Variants in XPO6 observed in about 807,000 individuals in gnomAD.
The protein encoded by XPO6 is exportin-6.
XPO6 carries 3 observed loss-of-function variants against 130.0 expected under a neutral mutation model. That is an observed-to-expected ratio of 0.02 (90% CI 0.01 to 0.06). The LOEUF (loss-of-function observed/expected upper bound fraction) is 0.06. Ranked by LOEUF, XPO6 falls within the 10% of genes least tolerant of loss-of-function variation. XPO6 has a pLI of 1.00. For synonymous variants in XPO6, 524 were observed against 548.9 expected, an observed-to-expected ratio of 0.95 and a Z score of 0.63; for missense variants, 970 against 1,393.0, an observed-to-expected ratio of 0.70 and a Z score of 4.83.
intron 13 of XPO6, among the ~76,000 whole-genome samples, chr16:28,125,167 G>C (rs1020664009): frequency 6.6e-6 from 1 of 152,166 alleles, no homozygotes; most frequent in Non-Finnish European, 1.5e-5. Context: ...GCCAGGCGTG[G>C]AGGCTACCCA....
intron 6 of XPO6, 43 bp from the exon 7 acceptor site, chr16:28,156,570 CT>C: frequency 1.4e-6 from 2 of 1,437,472 alleles, no homozygotes; most frequent in Non-Finnish European, 1.9e-6. Context: ...CATCAAATCT[CT>C]TACAAATGAC....
At chr16:28,104,855 G>C (rs1358571429) in intron 20 of XPO6, 148 bp from the exon 21 acceptor site, 12 of 898,152 alleles carry the variant, frequency 1.3e-5, no homozygotes, top group Non-Finnish European at 2.0e-5. Context: ...CTGCGCAAAA[G>C]ACATCCAGCC....
Position 28,106,320 on chromosome 16 carries a change from T to C in XPO6, c.2612+63A>G. 6.2e-7 allele frequency: 1 copy of C among 1,607,138 alleles called. No individual in the cohort carries two copies. The highest frequency in any genetic ancestry group is 8.5e-7 in the Non-Finnish European group (1 of 1,174,240). Reference sequence around the variant, plus strand: ...AGAACAGGAGCAAAAAGCCACACTTTGTCGCCAGACCCACCACTTCTCCCT... The same window carrying C: ...AGAACAGGAGCAAAAAGCCACACTTCGTCGCCAGACCCACCACTTCTCCCT... On this transcript the variant is annotated intron_variant, in intron 19 of 23. Coordinates refer to ENST00000304658, the MANE Select transcript of XPO6 (RefSeq NM_015171.4). The surrounding 1 kb of genome is among the most constrained non-coding windows in gnomAD (Gnocchi z 4.2).
chr16:28,156,605 A>AAAAT (rs771266409), intron 6 of XPO6, 78 bp from the exon 7 acceptor site: 70 of 877,440 alleles, frequency 8.0e-5, no homozygotes, highest in Middle Eastern at 3.2e-4. Flanking sequence ...CCTTCAAAAA[A>AAAAT]ATATATATAT....
intron 13 of XPO6, among the ~76,000 whole-genome samples, chr16:28,124,905 C>T (rs2087353664): frequency 6.6e-6 from 1 of 152,192 alleles, no homozygotes; most frequent in Non-Finnish European, 1.5e-5. Context: ...GTCGAAGCAT[C>T]AGGTGTCTTG....
At chr16:28,133,964 C>A in intron 10 of XPO6, 31 bp from the exon 11 acceptor site, 1 of 1,609,300 alleles carries the variant, frequency 6.2e-7, no homozygotes, top group South Asian at 1.1e-5. Flanking sequence ...AATCAGCTCT[C>A]CCAGAATCCT....
chr16:28,102,134 C>T (rs1367650130), intron 21 of XPO6, 189 bp from the exon 22 acceptor site: 1 of 560,756 alleles, frequency 1.8e-6, no homozygotes, highest in African/African-American at 1.9e-5. Context: ...GGCCTTGCTT[C>T]TTATTATGGT....
intron 14 of XPO6, among the ~76,000 whole-genome samples, chr16:28,120,453 A>G (rs1677167055): frequency 6.6e-6 from 1 of 152,210 alleles, no homozygotes; most frequent in Non-Finnish European, 1.5e-5. Context: ...TTTATTTTAT[A>G]TTTAGAATCA....
Position 28,111,887 on chromosome 16 carries a change from T to C in XPO6, c.2271A>G (p.Ala757=), listed in dbSNP as rs764928770. The part of the protein sequence containing the change: ...RSINHASLIS[A]LSRDYRNLKP... ...TCAGGTTGCGATAGTCCCGGGAGAG[T>C]GCAGAGATGAGGCTGGCGTGGTTGA... Residue 757 remains alanine, a synonymous_variant, in exon 17 of 24, where the codon GCA becomes GCG. Coordinates refer to ENST00000304658, the MANE Select transcript of XPO6 (RefSeq NM_015171.4). The C allele has an allele frequency of 1.2e-6, 2 of 1,613,826 alleles. No homozygotes were observed. Among genetic ancestry groups the C allele is most frequent in the South Asian group, 1.1e-5 (1 of 91,050 alleles).
chr16:28,121,127 A>T (rs977108211), intron 14 of XPO6, among the ~76,000 whole-genome samples: 16 of 152,204 alleles, frequency 1.1e-4, no homozygotes, highest in African/African-American at 3.6e-4. Context: ...GTAGGTAGAG[A>T]GTGTGGTCTC....
At chr16:28,211,315 AC>A (rs1306698535) in intron 1 of XPO6, 50 bp downstream of exon 1, 3 of 1,309,330 alleles carry the variant, frequency 2.3e-6, no homozygotes, top group Non-Finnish European at 2.0e-6. Flanking sequence ...GCCCATTCCC[AC>A]CCTTCCGGTA....
At chr16:28,199,716 A>G (rs1001390817) in intron 1 of XPO6, among the ~76,000 whole-genome samples, 5 of 151,760 alleles carry the variant, frequency 3.3e-5, no homozygotes, top group East Asian at 2.0e-4. Flanking sequence ...ACAGGCACCC[A>G]CCACCACACC....
At chr16:28,103,396 T>C (rs1007572555) in intron 21 of XPO6, among the ~76,000 whole-genome samples, 3 of 152,240 alleles carry the variant, frequency 2.0e-5, no homozygotes, top group African/African-American at 2.4e-5. Context: ...AGCTGCTGGA[T>C]ACTCAAAGTG....
intron 21 of XPO6, among the ~76,000 whole-genome samples, chr16:28,103,162 C>T (rs1328344410): frequency 6.6e-6 from 1 of 152,188 alleles, no homozygotes; most frequent in Non-Finnish European, 1.5e-5. Context: ...ACCCTCACCC[C>T]TAAGGCAACC....
intron 5 of XPO6, 190 bp from the exon 6 acceptor site, chr16:28,166,775 C>T: frequency 1.0e-6 from 1 of 985,420 alleles, no homozygotes; most frequent in Non-Finnish European, 1.2e-6. Flanking sequence ...TCCACTGCTT[C>T]ACTGTGGCCT....
intron 6 of XPO6, among the ~76,000 whole-genome samples, chr16:28,162,261 A>G (rs1384917711): frequency 6.6e-6 from 1 of 152,248 alleles, no homozygotes; most frequent in African/African-American, 2.4e-5. Flanking sequence ...TCTCCATAAA[A>G]ACGATTTTAC....
Position 28,111,856 on chromosome 16 carries a change from T to C in XPO6, c.2302A>G (p.Ser768Gly), listed in dbSNP as rs768377282. ...ATCTTTCTCTGTGGGGCAACAGCAC[T>C]GGGCTTCAGGTTGCGATAGTCCCGG... is the stretch of plus-strand genomic sequence containing the variant. The part of the protein sequence containing the change: ...LSRDYRNLKP[S>G]AVAPQRKMPL... The change falls in exon 17 of 24, where the codon AGT (serine) becomes GGT (glycine). Residue 768 changes from serine (S) to glycine (G), a missense_variant. Ser to Gly is a moderately conservative substitution (Grantham distance 56). Around this residue, in one of 4 missense-constraint regions of XPO6, gnomAD observed 936 missense variants for 1,306.8 expected, o/e 0.72. Transcript: ENST00000304658. 8.7e-6 allele frequency: 14 copies of C among 1,614,066 alleles called. No individual in the cohort carries two copies. Among genetic ancestry groups the C allele is most frequent in the African/African-American group, 1.3e-5 (1 of 74,922 alleles).
intron 5 of XPO6, 185 bp from the exon 6 acceptor site, chr16:28,166,770 T>A (rs1003568860): frequency 3.1e-5 from 31 of 985,356 alleles, no homozygotes; most frequent in East Asian, 2.3e-4. Context: ...GGCTCTCCAC[T>A]GCTTCACTGT....
chr16:28,191,703 C>G (rs767068145), intron 1 of XPO6, among the ~76,000 whole-genome samples: 5 of 152,180 alleles, frequency 3.3e-5, no homozygotes, highest in Non-Finnish European at 4.4e-5. Flanking sequence ...TGAGGAAGCA[C>G]AGAGGAGTTC....
Sources: gnomAD v4.1 joint callset for allele counts (sites outside exome capture counted in the v4.1 genomes callset) on GRCh38, gnomAD v4.1.1 for gene constraint, gnomAD v4.1.1 regional missense constraint, Gnocchi (gnomAD v3.1) non-coding constraint, MANE v1.5 for transcripts, NCBI Gene and HGNC (gene_info 2026-07-23, HGNC 2026-07-21) for gene names.